MAGI2: variants seen among roughly 807,000 people sequenced by gnomAD.
The protein encoded by MAGI2 is membrane-associated guanylate kinase, WW and PDZ domain-containing protein 2.
MAGI2 carries 35 observed loss-of-function variants against 133.3 expected under a neutral mutation model. The ratio of observed to expected loss-of-function variants is 0.26; its 90% confidence interval spans 0.20 to 0.35. MAGI2 has a LOEUF of 0.35. Among genes scored for constraint, MAGI2 ranks in the 10% least tolerant of loss-of-function variants. The pLI is 1.00. For synonymous variants in MAGI2, 729 were observed against 710.6 expected, an observed-to-expected ratio of 1.03 and a Z score of -0.41; for missense variants, 1,636 against 1,863.4, an observed-to-expected ratio of 0.88 and a Z score of 2.25.
intron 1 of MAGI2, among the ~76,000 whole-genome samples, chr7:79,416,795 C>A (rs1443013505): frequency 7.4e-6 from 1 of 134,518 alleles, no homozygotes; most frequent in Non-Finnish European, 1.5e-5. Context: ...AGTGCAGTGG[C>A]GCAATCTCAG....
chr7:78,667,122 C>T (rs73380218), intron 2 of MAGI2, among the ~76,000 whole-genome samples: 2,331 of 151,902 alleles, frequency 0.015, 69 homozygotes, highest in African/African-American at 0.053. Flanking sequence ...ACTCATTTTC[C>T]CCCAATAGTA....
At chr7:78,094,631 A>G (rs1817538288) in intron 20 of MAGI2, among the ~76,000 whole-genome samples, 1 of 152,086 alleles carries the variant, frequency 6.6e-6, no homozygotes, top group Admixed American at 6.6e-5. Context: ...TATCACCTTT[A>G]TTTTCCAAGG....
chr7:78,974,271 C>T (rs139977805), intron 2 of MAGI2, among the ~76,000 whole-genome samples: 157 of 151,468 alleles, frequency 1.0e-3, no homozygotes, highest in Non-Finnish European at 2.0e-3. Flanking sequence ...AAGCCTCTTT[C>T]GGGATAACAA....
chr7:78,923,781 G>A (rs1799456423), intron 2 of MAGI2, among the ~76,000 whole-genome samples: 1 of 151,880 alleles, frequency 6.6e-6, no homozygotes, highest in Admixed American at 6.6e-5. Flanking sequence ...AAATTACCTT[G>A]GGCAGTATGG....
At chr7:79,437,284 C>T (rs1848210207) in intron 1 of MAGI2, among the ~76,000 whole-genome samples, 1 of 151,658 alleles carries the variant, frequency 6.6e-6, no homozygotes, top group African/African-American at 2.4e-5. Context: ...GTACCTCAAA[C>T]CTCAGCAACA....
At chr7:78,428,288 T>C (rs1237337534) in intron 6 of MAGI2, among the ~76,000 whole-genome samples, 1 of 152,156 alleles carries the variant, frequency 6.6e-6, no homozygotes, top group African/African-American at 2.4e-5. Context: ...TATGCTTCTT[T>C]ATAAATACAA....
chr7:78,506,247 G>A (rs1005409811), intron 4 of MAGI2, among the ~76,000 whole-genome samples: 12 of 152,220 alleles, frequency 7.9e-5, no homozygotes, highest in African/African-American at 2.6e-4. Flanking sequence ...TGGGTGGCAA[G>A]GCTTTTCACT....
chr7:78,127,940 G>A (rs2150517531), intron 18 of MAGI2, among the ~76,000 whole-genome samples: 1 of 152,038 alleles, frequency 6.6e-6, no homozygotes, highest in Middle Eastern at 3.4e-3. Flanking sequence ...TGCTGAGTTG[G>A]GTCTTTTTGA....
intron 21 of MAGI2, among the ~76,000 whole-genome samples, chr7:78,056,360 T>C (rs1171622958): frequency 1.3e-5 from 2 of 152,176 alleles, no homozygotes; most frequent in East Asian, 1.9e-4. Flanking sequence ...TATAAAGATA[T>C]ATGGATGCAT....
chr7:79,205,022 A>G (rs1404421858), intron 1 of MAGI2, among the ~76,000 whole-genome samples: 1 of 151,932 alleles, frequency 6.6e-6, no homozygotes. Flanking sequence ...CAGGAATTTC[A>G]GAAAGTGAAG....
intron 9 of MAGI2, among the ~76,000 whole-genome samples, chr7:78,328,529 A>ACACACACACACACATC (rs1408831333): frequency 2.0e-5 from 2 of 99,776 alleles, no homozygotes; most frequent in African/African-American, 7.6e-5. Flanking sequence ...ACACACACAC[A>ACACACACACACACATC]CCCCTCTCTC....
chr7:78,207,814 A>C (rs17149920), intron 10 of MAGI2, among the ~76,000 whole-genome samples: 19,356 of 152,190 alleles, frequency 0.13, 1,495 homozygotes, highest in East Asian at 0.28. Flanking sequence ...AATACGTTCA[A>C]TTTGCAAAGA....
At chr7:78,031,760 C>T (rs115866175) in intron 21 of MAGI2, among the ~76,000 whole-genome samples, 288 of 152,178 alleles carry the variant, frequency 1.9e-3, no homozygotes, top group African/African-American at 6.6e-3. Flanking sequence ...TGATGGAAAC[C>T]GATAATAGCC....
chr7:79,443,059 G>A (rs1848595098), intron 1 of MAGI2, among the ~76,000 whole-genome samples: 1 of 152,040 alleles, frequency 6.6e-6, no homozygotes, highest in Admixed American at 6.6e-5. Context: ...ATCACTTGAG[G>A]TCAGGAGTTC....
At chr7:78,200,059 T>C (rs1462003224) in intron 11 of MAGI2, among the ~76,000 whole-genome samples, 2 of 152,228 alleles carry the variant, frequency 1.3e-5, no homozygotes, top group Non-Finnish European at 2.9e-5. Context: ...TTTAAAAGTA[T>C]CTCTTTTCAA....
chr7:79,448,668 G>T (rs566116195), intron 1 of MAGI2, among the ~76,000 whole-genome samples: 5 of 152,208 alleles, frequency 3.3e-5, no homozygotes, highest in African/African-American at 1.2e-4. Flanking sequence ...TGAGGAAAAT[G>T]ATTCTGCCAG....
At position 78,495,147 on chromosome 7, in the gene MAGI2, T is replaced by C. The variant is rs913007541; in HGVS notation, c.966-5307A>G. Among the ~76,000 whole-genome samples, 5 of 152,306 alleles carry C rather than the reference T, an allele frequency of 3.3e-5. No homozygotes were observed. The East Asian group carries it at 9.7e-4, about 29-fold the overall frequency. On this transcript the variant is annotated intron_variant, in intron 5 of 21. Transcript: ENST00000354212. ...TTTATTATTATTATAAGTTCTGGGG[T>C]ACATGTGCAGAACGTGCAGGTTTGT...
intron 3 of MAGI2, among the ~76,000 whole-genome samples, chr7:78,563,119 G>A (rs1210773899): frequency 6.6e-6 from 1 of 151,826 alleles, no homozygotes; most frequent in Non-Finnish European, 1.5e-5. Context: ...GCAAATATGT[G>A]CAATTATTAT....
At chr7:79,111,815 C>T (rs1818949365) in intron 1 of MAGI2, among the ~76,000 whole-genome samples, 1 of 151,988 alleles carries the variant, frequency 6.6e-6, no homozygotes, top group Admixed American at 6.6e-5. Context: ...TACAGGCGCC[C>T]GCCACCATGC....
Sources: gnomAD v4.1 joint callset for allele counts (sites outside exome capture counted in the v4.1 genomes callset) on GRCh38, gnomAD v4.1.1 for gene constraint, MANE v1.5 for transcripts, NCBI Gene and HGNC (gene_info 2026-07-23, HGNC 2026-07-21) for gene names.